Variants in SLC25A3 observed in about 807,000 individuals in gnomAD.
SLC25A3 encodes the protein phosphate transport protein.
Under a neutral mutation model 37.1 loss-of-function variants are expected in SLC25A3, and 14 were observed. That is an observed-to-expected ratio of 0.38 (90% CI 0.25 to 0.59). The LOEUF (loss-of-function observed/expected upper bound fraction) is 0.59. SLC25A3 is among the 20% of genes least tolerant of loss of function. The pLI, the probability that SLC25A3 is intolerant of heterozygous loss-of-function variation, is 0.67. For missense variants in SLC25A3, 385 were observed against 458.1 expected, an observed-to-expected ratio of 0.84 and a Z score of 1.46; for synonymous variants, 161 against 168.7, an observed-to-expected ratio of 0.95 and a Z score of 0.36.
rs112983938 is a variant in SLC25A3, at chr12:98,594,589, A to C, written c.157+454A>C. ...TCGACGCCAGGTCAGTCATTTTTGC[A>C]CTTAATTGTATATGAGATAACTAGA... On this transcript the variant is annotated intron_variant, in intron 2 of 7. Coordinates refer to ENST00000552981, the MANE Select transcript of SLC25A3 (RefSeq NM_002635.4). 3.9e-4 allele frequency: 220 copies of C among 563,360 alleles called. 1 individual carries two copies. The highest frequency in any genetic ancestry group is 3.8e-3 in the African/African-American group (204 of 53,252). 34.9% of individuals were successfully genotyped at this position (563,360 alleles called of 1,614,324 possible).
chr12:98,596,296 C>T (rs747005010), intron 3 of SLC25A3, among the ~76,000 whole-genome samples: 10 of 152,178 alleles, frequency 6.6e-5, no homozygotes, highest in Non-Finnish European at 1.5e-4. Flanking sequence ...AGATTAGCCT[C>T]TTGTTTATTT....
intron 4 of SLC25A3, chr12:98,598,302 C>T (rs1195424002): frequency 2.7e-6 from 2 of 753,444 alleles, no homozygotes; most frequent in Admixed American, 2.8e-5. Flanking sequence ...GACTCCTTTG[C>T]GTAGTTCCGG....
intron 3 of SLC25A3, among the ~76,000 whole-genome samples, chr12:98,597,267 A>G (rs960705474): frequency 2.6e-5 from 4 of 152,238 alleles, no homozygotes; most frequent in African/African-American, 9.7e-5. Flanking sequence ...CAAATGAACA[A>G]TAATAAACAG....
intron 2 of SLC25A3, chr12:98,594,460 C>T (rs1168041710): frequency 7.6e-6 from 5 of 656,352 alleles, no homozygotes; most frequent in East Asian, 5.4e-5. Flanking sequence ...GTAAACTCTC[C>T]TCCCGAAACT....
At chr12:98,601,044 G>A in intron 6 of SLC25A3, 127 bp from the exon 7 acceptor site, 1 of 1,049,714 alleles carries the variant, frequency 9.5e-7, no homozygotes, top group South Asian at 1.4e-5. Context: ...CTGTACCCGT[G>A]TCACCCTGAG....
chr12:98,595,464 A>G, intron 2 of SLC25A3: 1 of 1,613,548 alleles, frequency 6.2e-7, no homozygotes, highest in Non-Finnish European at 8.5e-7. Context: ...GATCTGGCAG[A>G]TTCTTTATCC....
chr12:98,600,914 C>A (rs1245120914), intron 6 of SLC25A3, among the ~76,000 whole-genome samples: 1 of 152,118 alleles, frequency 6.6e-6, no homozygotes, highest in Non-Finnish European at 1.5e-5. Context: ...ATGTATTGAT[C>A]TTACTGTTGC....
intron 3 of SLC25A3, among the ~76,000 whole-genome samples, chr12:98,597,229 T>C (rs1295522416): frequency 1.3e-5 from 2 of 152,180 alleles, no homozygotes; most frequent in African/African-American, 2.4e-5. Flanking sequence ...GACCTTAATG[T>C]ACAACAGTTT....
intron 3 of SLC25A3, 117 bp downstream of exon 3, chr12:98,595,965 T>A: frequency 1.1e-6 from 1 of 917,506 alleles, no homozygotes; most frequent in Non-Finnish European, 1.8e-6. Context: ...GGAAACCACA[T>A]AGAATTTCTT....
Position 98,604,261 on chromosome 12 carries a change from A to ATATAT in SLC25A3, c.*2733_*2734insTATAT, listed in dbSNP as rs1394128435. 1 of 117,322 alleles carries ATATAT rather than the reference A, an allele frequency of 8.5e-6. No homozygotes were observed. Among genetic ancestry groups the ATATAT allele is most frequent in the African/African-American group, 3.2e-5 (1 of 31,106 alleles). The allele number at this position is 117,322 out of a possible 1,614,324, so 7.3% of individuals were successfully genotyped here. A position where few individuals can be genotyped will look rare whatever the true frequency, so the allele number is the denominator to read the frequency against. ...CAGCGAAACTCTGTCTCAAAAAAAA[A>ATATAT]AAATATATATATATATATATATATA... On this transcript the variant is annotated 3_prime_UTR_variant, in exon 8 of 8. Transcript: ENST00000552981.
In SLC25A3 at chr12:98,601,431, T is replaced by A. The variant is rs1433946525; in HGVS notation, c.989T>A (p.Phe330Tyr). Reference protein sequence around the residue: ...MIGTLTALQWFIYDSVKVYFR... With the variant: ...MIGTLTALQWYIYDSVKVYFR... ...GGTACCCTGACTGCACTACAGTGGT[T>A]TATCTATGACTCCGTGAAGGTCTAC... is the stretch of plus-strand genomic sequence containing the variant. The change falls in exon 8 of 8, where the codon TTT becomes TAT. Residue 330 changes from phenylalanine to tyrosine, a missense_variant. Coordinates refer to ENST00000552981, the MANE Select transcript of SLC25A3 (RefSeq NM_002635.4). The A allele has an allele frequency of 1.2e-6, 2 of 1,614,034 alleles. No individual in the cohort carries two copies. Among genetic ancestry groups the A allele is most frequent in the Admixed American group, 1.7e-5 (1 of 60,014 alleles).
intron 3 of SLC25A3, chr12:98,597,549 G>A (rs142022648): frequency 1.7e-4 from 59 of 346,904 alleles, no homozygotes; most frequent in African/African-American, 9.2e-4. Flanking sequence ...TCACCCTCCC[G>A]AGTAGCTGGG....
chr12:98,598,776 T>TTG, intron 5 of SLC25A3, 73 bp downstream of exon 5: 1 of 1,435,278 alleles, frequency 7.0e-7, no homozygotes, highest in African/African-American at 1.4e-5. Flanking sequence ...TTTGTTTTTT[T>TTG]TTTTGTTTTG....
chr12:98,593,777 G>C (rs913980183), intron 1 of SLC25A3, 37 bp downstream of exon 1: 14 of 621,148 alleles, frequency 2.3e-5, no homozygotes, highest in Non-Finnish European at 3.7e-5. Flanking sequence ...GGCGGGTGTG[G>C]GGAGCGGAGC....
chr12:98,599,591 A>C, intron 5 of SLC25A3: 1 of 500,924 alleles, frequency 2.0e-6, no homozygotes, highest in South Asian at 1.5e-5. Context: ...AGGGCTTGTT[A>C]GTATCCTTGT....
chr12:98,599,903 T>C, intron 5 of SLC25A3, 52 bp from the exon 6 acceptor site: 1 of 1,600,836 alleles, frequency 6.2e-7, no homozygotes, highest in Non-Finnish European at 8.6e-7. Flanking sequence ...AATGACAGTC[T>C]CTGATAGATG....
rs999055494 is a variant in SLC25A3 at position 98,603,582 on chromosome 12, C to A, written c.*2054C>A. ...GCCAACGTGAAAGTGGACCGTAGAT[C>A]TAAAACATTTTGGGTATGCAGTTCA... On this transcript the variant is annotated 3_prime_UTR_variant, in exon 8 of 8. Coordinates refer to ENST00000552981, the MANE Select transcript of SLC25A3 (RefSeq NM_002635.4). The A allele has an allele frequency of 6.6e-6, 1 of 152,200 alleles. No homozygotes were observed. Among genetic ancestry groups the A allele is most frequent in the Non-Finnish European group, 1.5e-5 (1 of 68,048 alleles). The allele number at this position is 152,200 out of a possible 1,614,324, so 9.4% of individuals were successfully genotyped here. A position where few individuals can be genotyped will look rare whatever the true frequency, so the allele number is the denominator to read the frequency against.
chr12:98,601,788 T>A lies in SLC25A3; in HGVS notation c.*260T>A, dbSNP rs2097598132. ...GTTGGAAAGAATGAAGTATATAAGTTAAGGAAAAAATACAAAACTGACCAT... is the reference window on the plus strand; with the variant it reads ...GTTGGAAAGAATGAAGTATATAAGTAAAGGAAAAAATACAAAACTGACCAT... On this transcript the variant is annotated 3_prime_UTR_variant, in exon 8 of 8. Coordinates refer to ENST00000552981, the MANE Select transcript of SLC25A3 (RefSeq NM_002635.4). 1 of 427,166 alleles carries A rather than the reference T, an allele frequency of 2.3e-6. No individual in the cohort carries two copies. The highest frequency in any genetic ancestry group is 4.2e-6 in the Non-Finnish European group (1 of 235,822). The allele number at this position is 427,166 out of a possible 1,614,324, so 26.5% of individuals were successfully genotyped here. A position where few individuals can be genotyped will look rare whatever the true frequency, so the allele number is the denominator to read the frequency against.
intron 4 of SLC25A3, 118 bp downstream of exon 4, chr12:98,598,153 C>A: frequency 1.0e-6 from 1 of 987,462 alleles, no homozygotes; most frequent in Non-Finnish European, 1.6e-6. Flanking sequence ...ACAAAGTGAG[C>A]AACTTGTTTT....
Sources: allele counts gnomAD v4.1 joint callset (sites outside exome capture counted in the v4.1 genomes callset), GRCh38; gene constraint gnomAD v4.1.1; transcripts MANE v1.5; gene names NCBI Gene and HGNC (gene_info 2026-07-23, HGNC 2026-07-21).